Variants in SPOCK1 observed in about 807,000 individuals in gnomAD.
SPOCK1 encodes the protein SPARC (osteonectin), cwcv and kazal like domains proteoglycan 1.
Under a neutral mutation model 55.3 loss-of-function variants are expected in SPOCK1, and 23 were observed. The ratio of observed to expected loss-of-function variants is 0.42; its 90% CI spans 0.30 to 0.59. The LOEUF is 0.59. SPOCK1 is among the 20% of genes least tolerant of loss of function. SPOCK1 has a pLI of 0.22. For missense variants in SPOCK1, 499 were observed against 552.5 expected, an observed-to-expected ratio of 0.90 and a Z score of 0.97; for synonymous variants, 226 against 221.0, an observed-to-expected ratio of 1.02 and a Z score of -0.20.
intron 2 of SPOCK1, among the ~76,000 whole-genome samples, chr5:137,490,419 T>G (rs1036630370): frequency 1.3e-5 from 2 of 152,136 alleles, no homozygotes; most frequent in African/African-American, 4.8e-5. Context: ...GCCAACATGA[T>G]GCAAAATCAA....
rs34828127 is a variant in SPOCK1 at position 137,301,636 on chromosome 5, C to CTTTTTTTTTTTTTTTTTTT, written c.187-34600_187-34582dup. Among the ~76,000 whole-genome samples, 28 of 129,798 alleles carry CTTTTTTTTTTTTTTTTTTT rather than the reference C, an allele frequency of 2.2e-4. 10 individuals carry two copies. Among genetic ancestry groups the CTTTTTTTTTTTTTTTTTTT allele is most frequent in the Non-Finnish European group, 2.9e-4 (18 of 62,760 alleles). The allele number at this position is 129,798 out of a possible 152,430, so 85.2% of individuals were successfully genotyped here. ...ACATACTCATTAAGCATTTCGTCTC[C>CTTTTTTTTTTTTTTTTTTT]TTTTTTTTTTTTTTTTTTTGAGTAT... On this transcript the variant is annotated intron_variant, in intron 2 of 10. Coordinates refer to ENST00000394945, the MANE Select transcript of SPOCK1 (RefSeq NM_004598.4).
At chr5:137,089,352 TG>T (rs1458798046) in intron 5 of SPOCK1, among the ~76,000 whole-genome samples, 1 of 152,200 alleles carries the variant, frequency 6.6e-6, no homozygotes, top group African/African-American at 2.4e-5. Context: ...CTCAAAATTG[TG>T]GTGACAGCTC....
At chr5:137,151,268 C>G (rs1267363244) in intron 3 of SPOCK1, among the ~76,000 whole-genome samples, 3 of 152,156 alleles carry the variant, frequency 2.0e-5, no homozygotes, top group African/African-American at 7.2e-5. Context: ...GCTGGAATTA[C>G]AGGCTTGAGC....
intron 5 of SPOCK1, among the ~76,000 whole-genome samples, chr5:137,100,604 T>C (rs1318034532): frequency 6.6e-6 from 1 of 152,198 alleles, no homozygotes; most frequent in Non-Finnish European, 1.5e-5. Context: ...TCCTATAGCA[T>C]CCAAGTTTCT....
chr5:137,007,427 C>T (rs547870165), intron 6 of SPOCK1, among the ~76,000 whole-genome samples: 77 of 151,936 alleles, frequency 5.1e-4, no homozygotes, highest in Middle Eastern at 3.4e-3. Flanking sequence ...CCAGCAACTA[C>T]AAGAAACTTA....
chr5:137,089,086 G>T (rs906783585), intron 5 of SPOCK1, among the ~76,000 whole-genome samples: 27 of 152,142 alleles, frequency 1.8e-4, no homozygotes, highest in Admixed American at 5.9e-4. Context: ...GGACTAGAAC[G>T]GGGAGCTAGC....
intron 3 of SPOCK1, among the ~76,000 whole-genome samples, chr5:137,153,821 G>T (rs1754362407): frequency 6.6e-6 from 1 of 151,628 alleles, no homozygotes; most frequent in South Asian, 2.1e-4. Flanking sequence ...TCACACCACT[G>T]CACTCCAGCC....
intron 2 of SPOCK1, among the ~76,000 whole-genome samples, chr5:137,296,447 G>A (rs2127134037): frequency 6.6e-6 from 1 of 152,338 alleles, no homozygotes; most frequent in East Asian, 1.9e-4. Flanking sequence ...AAGTAATGGA[G>A]AGGCTGGGAT....
chr5:137,076,121 G>A (rs1752754436), intron 5 of SPOCK1, among the ~76,000 whole-genome samples: 1 of 152,174 alleles, frequency 6.6e-6, no homozygotes, highest in Non-Finnish European at 1.5e-5. Flanking sequence ...CCTGGATGCA[G>A]CAGAGAGCCC....
chr5:137,386,047 G>T (rs1455734804), intron 2 of SPOCK1, among the ~76,000 whole-genome samples: 1 of 152,154 alleles, frequency 6.6e-6, no homozygotes, highest in Admixed American at 6.5e-5. Context: ...AGGATACAAG[G>T]TTAATATACA....
intron 3 of SPOCK1, among the ~76,000 whole-genome samples, chr5:137,217,807 T>C (rs1755747101): frequency 6.6e-6 from 1 of 152,208 alleles, no homozygotes; most frequent in Non-Finnish European, 1.5e-5. Context: ...ATGAGGAAAT[T>C]ACAGCTCCGA....
In SPOCK1 at chr5:137,128,365, T is replaced by C. The variant is rs143185214; in HGVS notation, c.347+12215A>G. Among the ~76,000 whole-genome samples the C allele has an allele frequency of 3.3e-5, 5 of 152,314 alleles. No individual in the cohort carries two copies. In the East Asian group the frequency reaches 9.6e-4, roughly 29 times the overall value. On this transcript the variant is annotated intron_variant, in intron 4 of 10. Coordinates refer to ENST00000394945, the MANE Select transcript of SPOCK1 (RefSeq NM_004598.4). ...GACATTAAACCCAGAACATTAAAAA[T>C]AGCAGGACGCTTTGCACATATGATC...
intron 2 of SPOCK1, among the ~76,000 whole-genome samples, chr5:137,316,938 G>A (rs1757890834): frequency 6.6e-6 from 1 of 152,276 alleles, no homozygotes; most frequent in South Asian, 2.1e-4. Flanking sequence ...AAGCCCCCAT[G>A]GTGCCTCATC....
chr5:137,401,762 A>T (rs1751986374), intron 2 of SPOCK1, among the ~76,000 whole-genome samples: 1 of 151,932 alleles, frequency 6.6e-6, no homozygotes. Flanking sequence ...AGGTTGGGAA[A>T]TGGAGGGTCA....
chr5:137,114,392 C>T (rs549485198), intron 4 of SPOCK1, among the ~76,000 whole-genome samples: 63 of 152,304 alleles, frequency 4.1e-4, no homozygotes, highest in African/African-American at 1.5e-3. Flanking sequence ...TCAGCCCAAC[C>T]TAGATTACCA....
rs1752798457 is a variant in SPOCK1 at position 137,433,727 on chromosome 5, G to A, written c.186+64646C>T. Among the ~76,000 whole-genome samples the A allele has an allele frequency of 2.0e-5, 3 of 152,220 alleles. No individual in the cohort carries two copies. In the South Asian group the frequency reaches 6.2e-4, roughly 32 times the overall value. ...CTCCCAGATGGAATCCAACCAACTA[G>A]AACAAAGCTTCCCTTCCAAAGGAAC... On this transcript the variant is annotated intron_variant, in intron 2 of 10. Coordinates refer to ENST00000394945, the MANE Select transcript of SPOCK1 (RefSeq NM_004598.4).
intron 3 of SPOCK1, among the ~76,000 whole-genome samples, chr5:137,160,543 A>ATAT (rs1264542283): frequency 0.029 from 1,409 of 48,916 alleles, 32 homozygotes; most frequent in Non-Finnish European, 0.04. Context: ...AATATATAAT[A>ATAT]TATATAATAT....
intron 2 of SPOCK1, among the ~76,000 whole-genome samples, chr5:137,400,332 T>C (rs1751948423): frequency 6.6e-6 from 1 of 152,090 alleles, no homozygotes; most frequent in African/African-American, 2.4e-5. Context: ...CCAGGACAAA[T>C]GCAAATGACT....
chr5:137,317,305 C>T (rs942476968), intron 2 of SPOCK1, among the ~76,000 whole-genome samples: 1 of 152,198 alleles, frequency 6.6e-6, no homozygotes, highest in Non-Finnish European at 1.5e-5. Flanking sequence ...TTGCTGGAAG[C>T]CTTTTCTTCC....
Sources: allele counts gnomAD v4.1 joint callset (sites outside exome capture counted in the v4.1 genomes callset), GRCh38; gene constraint gnomAD v4.1.1; transcripts MANE v1.5; gene names NCBI Gene and HGNC (gene_info 2026-07-23, HGNC 2026-07-21).